DNAH14: variants seen among roughly 807,000 people sequenced by gnomAD.
DNAH14 encodes the protein dynein axonemal heavy chain 14.
DNAH14 carries 478 observed loss-of-function variants against 520.9 expected under a neutral mutation model. The ratio of observed to expected loss-of-function variants is 0.92; its 90% CI spans 0.85 to 0.99. The LOEUF (loss-of-function observed/expected upper bound fraction) is 0.99. Among genes scored for constraint, DNAH14 ranks in the 50% least tolerant of loss-of-function variants. The pLI, the probability that DNAH14 is intolerant of heterozygous loss-of-function variation, is 0.00. For synonymous variants in DNAH14, 1,581 were observed against 1,757.2 expected (o/e 0.90, Z 2.51); for missense variants, 4,831 against 5,234.5 (o/e 0.92, Z 2.38).
chr1:225,182,770 C>T (rs776623865), intron 36 of DNAH14, among the ~76,000 whole-genome samples: 1 of 152,138 alleles, frequency 6.6e-6, no homozygotes, highest in Admixed American at 6.5e-5. Context: ...GGCTGGTGAG[C>T]ACAAAGAGAG....
intron 21 of DNAH14, among the ~76,000 whole-genome samples, chr1:225,090,865 T>G (rs994689704): frequency 6.6e-5 from 10 of 152,142 alleles, no homozygotes; most frequent in African/African-American, 1.9e-4. Flanking sequence ...GAAGGAAAAT[T>G]TATGTATTAG....
intron 35 of DNAH14, among the ~76,000 whole-genome samples, chr1:225,162,117 T>C (rs1040596712): frequency 1.3e-5 from 2 of 152,218 alleles, no homozygotes; most frequent in Non-Finnish European, 2.9e-5. Flanking sequence ...CAATGTTTTC[T>C]TGTTAATAGT....
chr1:225,129,042 A>T (rs1573343602), intron 27 of DNAH14, among the ~76,000 whole-genome samples: 1 of 152,272 alleles, frequency 6.6e-6, no homozygotes, highest in African/African-American at 2.4e-5. Context: ...CAGAGAGCCA[A>T]ATCATGAGTG....
rs1294491797 is a variant in DNAH14, at chr1:225,140,930, G to T, written c.4417G>T (p.Ala1473Ser). The change falls in exon 28 of 86, where the codon GCA becomes TCA. Residue 1473 changes from alanine to serine, a missense_variant. Coordinates refer to ENST00000682510, the MANE Select transcript of DNAH14 (RefSeq NM_001367479.1). ...SNSRTKAILG[A>S]LLILYVHCRD... ...CTCTCGAACAAAAGCTATACTAGGG[G>T]CATTGCTTATCCTTTATGTTCACTG... 1 of 1,551,280 alleles carries T rather than the reference G, an allele frequency of 6.4e-7. No homozygotes were observed. Among genetic ancestry groups the T allele is most frequent in the Non-Finnish European group, 8.7e-7 (1 of 1,146,894 alleles).
At chr1:225,289,748 T>C (rs2093823637) in intron 54 of DNAH14, 137 bp from the exon 55 acceptor site, 1 of 512,934 alleles carries the variant, frequency 1.9e-6, no homozygotes, top group Non-Finnish European at 3.1e-6. Context: ...TTAATATGAC[T>C]CCCAAAAGGT....
chr1:225,104,618 G>T (rs2075846827), intron 23 of DNAH14, among the ~76,000 whole-genome samples: 3 of 152,066 alleles, frequency 2.0e-5, no homozygotes, highest in Admixed American at 1.3e-4. Context: ...TCTTGGGAGG[G>T]TGTATGTGTC....
In DNAH14 at chr1:224,954,525, A is replaced by G. The variant is rs184676977; in HGVS notation, c.78-434A>G. 1.4e-3 allele frequency: 216 copies of G among 153,244 alleles called. 1 individual carries two copies. The highest frequency in any genetic ancestry group is 2.3e-3 in the Non-Finnish European group (159 of 68,758). 9.5% of individuals were successfully genotyped at this position (153,244 alleles called of 1,614,324 possible). A position where few individuals can be genotyped will look rare whatever the true frequency, so the allele number is the denominator to read the frequency against. ...CTGTGAAAAAAAAGGAAGGCAACAT[A>G]TGAGTATGAAATTTCAGAAAATTGT... On this transcript the variant is annotated intron_variant, in intron 2 of 85. Coordinates refer to ENST00000682510, the MANE Select transcript of DNAH14 (RefSeq NM_001367479.1).
At chr1:225,185,723 CT>C (rs1005224151) in intron 37 of DNAH14, among the ~76,000 whole-genome samples, 6 of 151,490 alleles carry the variant, frequency 4.0e-5, no homozygotes, top group East Asian at 1.9e-4. Context: ...ATAATTTTGT[CT>C]TTTTTTGAAT....
intron 41 of DNAH14, among the ~76,000 whole-genome samples, chr1:225,228,473 A>G (rs964358039): frequency 6.6e-6 from 1 of 152,168 alleles, no homozygotes; most frequent in Non-Finnish European, 1.5e-5. Flanking sequence ...GGGGAAACTG[A>G]TAATTTAACA....
chr1:225,388,477 T>TG lies in DNAH14; in HGVS notation c.13177dup (p.Ala4393GlyfsTer21). 6.6e-7 allele frequency: 1 copy of TG among 1,509,402 alleles called. No homozygotes were observed. The highest frequency in any genetic ancestry group is 1.2e-5 in the South Asian group (1 of 80,814). The allele number at this position is 1,509,402 out of a possible 1,614,324, so 93.5% of individuals were successfully genotyped here. A position where few individuals can be genotyped will look rare whatever the true frequency, so the allele number is the denominator to read the frequency against. The stretch of plus-strand genomic sequence containing the variant: ...ATACTTGGGCCAAAGTGGCTTATAC[T>TG]GCAATACAGCGTCGGTATGGATAAA... On this transcript the variant is annotated frameshift_variant, in exon 82 of 86. Transcript: ENST00000682510. LOFTEE classifies it high-confidence loss of function.
chr1:225,171,729 C>G (rs560944186), intron 36 of DNAH14, among the ~76,000 whole-genome samples: 2 of 152,132 alleles, frequency 1.3e-5, no homozygotes, highest in Non-Finnish European at 2.9e-5. Context: ...GAAACTATTC[C>G]AATCAATAGA....
At chr1:225,339,880 A>C (rs1004292517) in intron 68 of DNAH14, among the ~76,000 whole-genome samples, 1 of 152,138 alleles carries the variant, frequency 6.6e-6, no homozygotes, top group Non-Finnish European at 1.5e-5. Context: ...CATTTCTCAC[A>C]TGTAACCCAG....
intron 23 of DNAH14, among the ~76,000 whole-genome samples, chr1:225,109,803 A>C (rs1263334078): frequency 6.6e-6 from 1 of 152,086 alleles, no homozygotes; most frequent in Non-Finnish European, 1.5e-5. Context: ...TCTTAGAGGA[A>C]AGGCTTTCAT....
At chr1:225,150,366 G>T (rs778741097) in intron 31 of DNAH14, among the ~76,000 whole-genome samples, 2 of 152,124 alleles carry the variant, frequency 1.3e-5, no homozygotes, top group Admixed American at 6.6e-5. Flanking sequence ...TCTTGTTGTT[G>T]TGTCTTTGCC....
chr1:225,171,540 G>A (rs186263965), intron 36 of DNAH14, among the ~76,000 whole-genome samples: 3 of 152,180 alleles, frequency 2.0e-5, no homozygotes, highest in East Asian at 1.9e-4. Context: ...AAAATTTCTC[G>A]ACACATACAC....
intron 1 of DNAH14, among the ~76,000 whole-genome samples, chr1:224,950,386 T>G (rs1010954984): frequency 1.3e-5 from 2 of 152,242 alleles, no homozygotes; most frequent in African/African-American, 4.8e-5. Flanking sequence ...TTTTCATGCT[T>G]AAATGAAAAC....
At chr1:224,968,072 C>G in intron 6 of DNAH14, 1 of 573,714 alleles carries the variant, frequency 1.7e-6, no homozygotes. Context: ...GCCTTCCCAG[C>G]CTCCCATAAA....
intron 66 of DNAH14, 42 bp from the exon 67 acceptor site, chr1:225,337,224 G>A: frequency 6.8e-7 from 1 of 1,475,486 alleles, no homozygotes. Context: ...AAGATGTGAA[G>A]ACATTTACAA....
intron 64 of DNAH14, among the ~76,000 whole-genome samples, chr1:225,331,125 G>T (rs1021330126): frequency 1.3e-5 from 2 of 151,766 alleles, no homozygotes; most frequent in Admixed American, 6.6e-5. Flanking sequence ...CTTAGAAAAA[G>T]AATCTAAATA....
Sources: gnomAD v4.1 joint callset for allele counts (sites outside exome capture counted in the v4.1 genomes callset) on GRCh38, gnomAD v4.1.1 for gene constraint, MANE v1.5 for transcripts, NCBI Gene and HGNC (gene_info 2026-07-23, HGNC 2026-07-21) for gene names.